Variants in RAB38 observed in about 807,000 individuals in gnomAD.
RAB38 encodes ras-related protein Rab-38.
Under a neutral mutation model 18.4 loss-of-function variants are expected in RAB38, and 15 were observed. The ratio of observed to expected loss-of-function variants is 0.82; its 90% CI spans 0.55 to 1.26. The LOEUF (loss-of-function observed/expected upper bound fraction) is 1.26, where lower values mean the gene tolerates loss of function less well. Ranked by LOEUF, RAB38 falls within the 50% of genes most tolerant of loss-of-function variation. The pLI is 0.00. For synonymous variants in RAB38, 101 were observed against 104.4 expected (o/e 0.97, Z 0.20); for missense variants, 294 against 267.4 (o/e 1.10, Z -0.69).
At chr11:88,105,823 A>C in the RAB38 span, among the ~76,000 whole-genome samples, 1 of 152,138 alleles carries the variant, frequency 6.6e-6, no homozygotes, top group South Asian at 2.1e-4. Context: ...CTGACAAGAA[A>C]TCCTGCCAGA....
the RAB38 span, among the ~76,000 whole-genome samples, chr11:87,951,584 G>A: frequency 1.0e-3 from 156 of 152,052 alleles, no homozygotes; most frequent in Middle Eastern, 0.017. Flanking sequence ...TGGTGTGGAT[G>A]TCCTTTCTGT....
chr11:88,074,379 A>C, the RAB38 span, among the ~76,000 whole-genome samples: 2 of 152,184 alleles, frequency 1.3e-5, no homozygotes, highest in African/African-American at 2.4e-5. Flanking sequence ...AAATGAAGAC[A>C]ACATAAAGAC....
the RAB38 span, among the ~76,000 whole-genome samples, chr11:88,008,702 C>T: frequency 6.8e-6 from 1 of 146,566 alleles, no homozygotes; most frequent in Non-Finnish European, 1.5e-5. Context: ...GAGATGGAGT[C>T]TCGCTCTGTC....
At chr11:87,970,606 T>A in the RAB38 span, among the ~76,000 whole-genome samples, 1 of 152,066 alleles carries the variant, frequency 6.6e-6, no homozygotes, top group African/African-American at 2.4e-5. Flanking sequence ...TTGCTTGTGT[T>A]TTCTCTAATT....
the RAB38 span, among the ~76,000 whole-genome samples, chr11:87,895,950 T>C: frequency 6.6e-6 from 1 of 151,708 alleles, no homozygotes; most frequent in South Asian, 2.1e-4. Flanking sequence ...TTTGTACATG[T>C]CATTTTCTTC....
At chr11:87,877,489 C>G in the RAB38 span, among the ~76,000 whole-genome samples, 1 of 151,498 alleles carries the variant, frequency 6.6e-6, no homozygotes, top group African/African-American at 2.4e-5. Context: ...CTAATTCTGA[C>G]TCCTGTTCAT....
chr11:87,932,532 C>G, the RAB38 span, among the ~76,000 whole-genome samples: 1 of 152,198 alleles, frequency 6.6e-6, no homozygotes. Flanking sequence ...CACCAAATCT[C>G]TTCTGAACTT....
the RAB38 span, among the ~76,000 whole-genome samples, chr11:88,032,990 A>C: frequency 6.6e-6 from 1 of 152,146 alleles, no homozygotes; most frequent in Non-Finnish European, 1.5e-5. Flanking sequence ...ATGTCCAACA[A>C]TGATAGACTG....
chr11:88,122,727 T>G (rs1194081366), intron 2 of RAB38, among the ~76,000 whole-genome samples: 4 of 152,226 alleles, frequency 2.6e-5, no homozygotes, highest in South Asian at 4.1e-4. Context: ...CAACTCAAAG[T>G]GTTATTTATT....
At chr11:87,835,496 C>A in the RAB38 span, among the ~76,000 whole-genome samples, 2 of 152,162 alleles carry the variant, frequency 1.3e-5, no homozygotes, top group African/African-American at 4.8e-5. Flanking sequence ...GTCCTCGCTT[C>A]CCCCCACTGA....
chr11:88,029,506 A>G, the RAB38 span, among the ~76,000 whole-genome samples: 3 of 152,210 alleles, frequency 2.0e-5, no homozygotes, highest in South Asian at 2.1e-4. Flanking sequence ...AGAGACACAC[A>G]TAGGCTTAAA....
the RAB38 span, among the ~76,000 whole-genome samples, chr11:88,101,330 T>C: frequency 6.6e-6 from 1 of 151,980 alleles, no homozygotes; most frequent in Non-Finnish European, 1.5e-5. Flanking sequence ...ATTAATTGAG[T>C]AAACAAACAT....
At chr11:87,870,895 G>A in the RAB38 span, among the ~76,000 whole-genome samples, 1 of 151,450 alleles carries the variant, frequency 6.6e-6, no homozygotes, top group African/African-American at 2.4e-5. Context: ...TTTTTCATTT[G>A]CAGTGCAATA....
the RAB38 span, among the ~76,000 whole-genome samples, chr11:88,100,803 G>A: frequency 3.9e-5 from 6 of 151,930 alleles, no homozygotes; most frequent in Non-Finnish European, 7.4e-5. Context: ...TTATGGACAG[G>A]CAGGTTTTGT....
At chr11:88,058,203 G>A in the RAB38 span, among the ~76,000 whole-genome samples, 23 of 152,234 alleles carry the variant, frequency 1.5e-4, no homozygotes, top group African/African-American at 4.6e-4. Context: ...ACCTCCAAGA[G>A]CATCTTTACA....
At chr11:88,159,313 A>G (rs1049374993) in intron 1 of RAB38, among the ~76,000 whole-genome samples, 6 of 151,618 alleles carry the variant, frequency 4.0e-5, no homozygotes, top group Non-Finnish European at 8.8e-5. Flanking sequence ...ACTATGAAAC[A>G]CTACTAAAAA....
chr11:88,046,532 C>A, the RAB38 span, among the ~76,000 whole-genome samples: 2 of 152,172 alleles, frequency 1.3e-5, no homozygotes, highest in Non-Finnish European at 2.9e-5. Flanking sequence ...AGCAAATTAC[C>A]TAGGCTGTAC....
At chr11:88,007,860 A>C in the RAB38 span, among the ~76,000 whole-genome samples, 2 of 152,152 alleles carry the variant, frequency 1.3e-5, no homozygotes, top group Admixed American at 6.6e-5. Flanking sequence ...CTGGAAAAAT[A>C]GATAAGTTGT....
At chr11:88,024,193 C>A in the RAB38 span, among the ~76,000 whole-genome samples, 1 of 151,950 alleles carries the variant, frequency 6.6e-6, no homozygotes, top group African/African-American at 2.4e-5. Flanking sequence ...GCTCAAACCA[C>A]TCTAATAATT....
Sources: allele counts gnomAD v4.1 joint callset (sites outside exome capture counted in the v4.1 genomes callset), GRCh38; gene constraint gnomAD v4.1.1; transcripts MANE v1.5; gene names NCBI Gene and HGNC (gene_info 2026-07-23, HGNC 2026-07-21).